USO1: variants seen among roughly 807,000 people sequenced by gnomAD.
The protein encoded by USO1 is general vesicular transport factor p115.
A neutral mutation model predicts 124.5 loss-of-function variants in USO1; 57 were observed. That is an observed-to-expected ratio of 0.46 (90% confidence interval 0.37 to 0.57). The LOEUF (loss-of-function observed/expected upper bound fraction) is 0.57, where lower values mean the gene tolerates loss of function less well. Among genes scored for constraint, USO1 ranks in the 20% least tolerant of loss-of-function variants. The probability of loss-of-function intolerance (pLI) is 0.00; values close to 1 mark genes in which losing one functional copy is unlikely to be tolerated. For missense variants in USO1, 900 were observed against 1,040.6 expected (o/e 0.86, Z 1.86); for synonymous variants, 369 against 362.8 (o/e 1.02, Z -0.19).
chr4:75,809,510 C>G (rs1260619715), intron 21 of USO1, among the ~76,000 whole-genome samples: 1 of 152,196 alleles, frequency 6.6e-6, no homozygotes, highest in East Asian at 1.9e-4. Context: ...AGAAACCAGG[C>G]TGCACTCCAA....
At chr4:75,726,910 T>C (rs1035134508) in intron 1 of USO1, among the ~76,000 whole-genome samples, 1 of 152,194 alleles carries the variant, frequency 6.6e-6, no homozygotes, top group African/African-American at 2.4e-5. Flanking sequence ...TTTCCACCCC[T>C]GATTGGATTG....
At chr4:75,783,812 T>C (rs1722287827) in intron 9 of USO1, among the ~76,000 whole-genome samples, 1 of 152,202 alleles carries the variant, frequency 6.6e-6, no homozygotes, top group Non-Finnish European at 1.5e-5. Flanking sequence ...TTATAAATTA[T>C]GCAGTTACCC....
At chr4:75,752,751 C>G in intron 3 of USO1, 147 bp downstream of exon 3, 1 of 384,370 alleles carries the variant, frequency 2.6e-6, no homozygotes, top group Admixed American at 4.5e-5. Context: ...GTCTCGAACT[C>G]CTGGGCTCAG....
intron 7 of USO1, 66 bp downstream of exon 7, chr4:75,771,203 T>A: frequency 6.6e-7 from 1 of 1,503,810 alleles, no homozygotes; most frequent in Non-Finnish European, 8.9e-7. Flanking sequence ...AATGAAATCC[T>A]TGTTGTTGAG....
intron 14 of USO1, 56 bp downstream of exon 14, chr4:75,799,788 TCTC>T: frequency 3.1e-6 from 5 of 1,591,834 alleles, no homozygotes; most frequent in Non-Finnish European, 4.3e-6. Context: ...TTTTAGTTTT[TCTC>T]CTCAATTAGA....
intron 9 of USO1, among the ~76,000 whole-genome samples, chr4:75,785,107 A>G (rs1219078857): frequency 1.3e-5 from 2 of 152,184 alleles, no homozygotes. Context: ...GGAATACTTT[A>G]TGTATAACTT....
intron 6 of USO1, 64 bp downstream of exon 6, chr4:75,770,988 G>T (rs1721911836): frequency 6.3e-7 from 1 of 1,597,532 alleles, no homozygotes; most frequent in East Asian, 2.2e-5. Flanking sequence ...CTAGAGAAAG[G>T]GACTGAAATG....
At chr4:75,730,243 C>T (rs763663092) in intron 1 of USO1, among the ~76,000 whole-genome samples, 3 of 151,914 alleles carry the variant, frequency 2.0e-5, no homozygotes, top group African/African-American at 7.3e-5. Context: ...TTATACATGC[C>T]GTAGCATTAC....
At chr4:75,788,408 T>C (rs1017814575) in intron 10 of USO1, among the ~76,000 whole-genome samples, 3 of 151,774 alleles carry the variant, frequency 2.0e-5, no homozygotes, top group African/African-American at 7.3e-5. Flanking sequence ...CCTCAAATGA[T>C]CCACCCATCT....
chr4:75,812,570 C>T (rs1432299674), intron 23 of USO1, among the ~76,000 whole-genome samples, 195 bp downstream of exon 23: 1 of 152,104 alleles, frequency 6.6e-6, no homozygotes. Flanking sequence ...GTTCAGTTTT[C>T]AGTACTTACA....
At chr4:75,747,188 A>T (rs1160885805) in intron 1 of USO1, among the ~76,000 whole-genome samples, 1 of 152,368 alleles carries the variant, frequency 6.6e-6, no homozygotes, top group Admixed American at 6.5e-5. Context: ...ATCAGAAATC[A>T]TTAAAATGAA....
At chr4:75,813,068 G>A (rs985121057) in intron 23 of USO1, 138 bp from the exon 24 acceptor site, 13 of 803,098 alleles carry the variant, frequency 1.6e-5, no homozygotes, top group Admixed American at 4.0e-5. Context: ...AGCCGAGATC[G>A]CACCATTGCA....
intron 12 of USO1, among the ~76,000 whole-genome samples, chr4:75,791,400 T>C (rs1186149444): frequency 6.6e-6 from 1 of 152,180 alleles, no homozygotes; most frequent in Non-Finnish European, 1.5e-5. Context: ...GGCAGGTGCC[T>C]TTAATCCCAG....
At chr4:75,765,526 A>G (rs748656488) in intron 4 of USO1, among the ~76,000 whole-genome samples, 7 of 152,148 alleles carry the variant, frequency 4.6e-5, no homozygotes, top group South Asian at 2.1e-4. Flanking sequence ...CCAGCTCCCA[A>G]GTTCCCATTA....
chr4:75,782,812 C>G lies in USO1; in HGVS notation c.809C>G (p.Ser270Cys), dbSNP rs778156255. 55 of 1,607,164 alleles carry G rather than the reference C, an allele frequency of 3.4e-5. No homozygotes were observed. The Admixed American group carries it at 9.4e-4, about 28-fold the overall frequency. ...KPWFEVGDEN[S>C]GWSAQKVTNL... is the part of the protein sequence containing the mutation. ...TGGTTTGAAGTTGGAGATGAAAATT[C>G]TGGCTGGTCTGCACAGAAAGTGACC... is the stretch of plus-strand genomic sequence containing the variant. The change falls in exon 9 of 24, where the codon TCT becomes TGT. Residue 270 changes from serine to cysteine, a missense_variant. Ser to Cys is a moderately radical substitution (Grantham distance 112). Transcript: ENST00000514213.
At chr4:75,751,084 T>C (rs1444374217) in intron 1 of USO1, among the ~76,000 whole-genome samples, 2 of 152,108 alleles carry the variant, frequency 1.3e-5, no homozygotes, top group African/African-American at 4.8e-5. Context: ...TGTTTAGCTT[T>C]CTTCTCATAT....
At chr4:75,730,286 C>A (rs1275403989) in intron 1 of USO1, among the ~76,000 whole-genome samples, 2 of 152,038 alleles carry the variant, frequency 1.3e-5, no homozygotes. Context: ...GAATAGATGT[C>A]CATGAAAAAA....
intron 4 of USO1, among the ~76,000 whole-genome samples, chr4:75,762,610 A>C (rs557798756): frequency 1.4e-4 from 21 of 152,106 alleles, no homozygotes; most frequent in Middle Eastern, 3.4e-3. Flanking sequence ...TAGTTTATAG[A>C]ATATTCAGAT....
At chr4:75,734,134 C>T (rs769219677) in intron 1 of USO1, among the ~76,000 whole-genome samples, 25 of 151,952 alleles carry the variant, frequency 1.6e-4, no homozygotes, top group Non-Finnish European at 3.1e-4. Flanking sequence ...TTAGTAGAGA[C>T]AGGGTTTCAC....
Sources: gnomAD v4.1 joint callset for allele counts (sites outside exome capture counted in the v4.1 genomes callset) on GRCh38, gnomAD v4.1.1 for gene constraint, MANE v1.5 for transcripts, NCBI Gene and HGNC (gene_info 2026-07-23, HGNC 2026-07-21) for gene names.